Variants in DYNC1H1 observed in about 807,000 individuals in gnomAD.
The protein encoded by DYNC1H1 is dynein cytoplasmic 1 heavy chain 1.
DYNC1H1 carries 51 observed loss-of-function variants against 527.1 expected under a neutral mutation model. That is an observed-to-expected ratio of 0.10 (90% CI 0.08 to 0.12). The LOEUF (loss-of-function observed/expected upper bound fraction) is 0.12, where lower values mean the gene tolerates loss of function less well. Ranked by LOEUF, DYNC1H1 falls within the 10% of genes least tolerant of loss-of-function variation. The pLI is 1.00. For synonymous variants in DYNC1H1, 2,189 were observed against 2,278.8 expected (o/e 0.96, Z 1.12); for missense variants, 2,771 against 5,971.8 (o/e 0.46, Z 17.66).
At chr14:102,037,074 G>C (rs2048584522) in intron 57 of DYNC1H1, 6 of 228,490 alleles carry the variant, frequency 2.6e-5, no homozygotes, top group Non-Finnish European at 5.3e-5. Context: ...TCCAGCCTGG[G>C]AGACAGAAAG....
rs2047640369 is a variant in DYNC1H1, at chr14:101,964,614, G to T, written c.-78G>T. 1 of 1,533,754 alleles carries T rather than the reference G, an allele frequency of 6.5e-7. No homozygotes were observed. The highest frequency in any genetic ancestry group is 1.4e-5 in the African/African-American group (1 of 72,784). ...GCGGACGGTCCGGCTTCCGGCGGCC[G>T]TTTCTGTCTCTTGCTGGCTGTCTCG... On this transcript the variant is annotated 5_prime_UTR_variant, in exon 1 of 78. Transcript: ENST00000360184. This position sits in a 1 kb window ranked among gnomAD's most constrained non-coding sequence, Gnocchi z 5.5.
At chr14:101,996,888 G>A (rs536564295) in intron 15 of DYNC1H1, 147 bp from the exon 16 acceptor site, 624 of 1,186,506 alleles carry the variant, frequency 5.3e-4, no homozygotes, top group Non-Finnish European at 7.0e-4. Flanking sequence ...CTCCCAAAGT[G>A]CTGGGATTAC....
rs777747436 is a variant in DYNC1H1, at chr14:102,047,942, C to T, written c.13132C>T (p.Arg4378Trp). ...STSDGRPAWM[R>W]TLHTTASNWL... Reference sequence around the variant, plus strand: ...GTCCGACGGGCGCCCTGCCTGGATGCGGACACTGCACACCACCGCGTCCAA... The same window carrying T: ...GTCCGACGGGCGCCCTGCCTGGATGTGGACACTGCACACCACCGCGTCCAA... The change falls in exon 73 of 78, where the codon CGG becomes TGG. Residue 4378 changes from arginine to tryptophan, a missense_variant. Physicochemically the swap from Arg to Trp is moderately radical, Grantham distance 101. Around this residue, in one of 32 missense-constraint regions of DYNC1H1, gnomAD observed 170 missense variants for 249.8 expected, o/e 0.68. Coordinates refer to ENST00000360184, the MANE Select transcript of DYNC1H1 (RefSeq NM_001376.5). 3.7e-6 allele frequency: 6 copies of T among 1,613,064 alleles called. No homozygotes were observed. The highest frequency in any genetic ancestry group is 2.2e-5 in the East Asian group (1 of 44,872).
rs1320368303 is a variant in DYNC1H1 at position 101,985,186 on chromosome 14, A to G, written c.1462-501A>G. Among the ~76,000 whole-genome samples, 1 of 152,140 alleles carries G rather than the reference A, an allele frequency of 6.6e-6. No individual in the cohort carries two copies. Among genetic ancestry groups the G allele is most frequent in the East Asian group, 1.9e-4 (1 of 5,188 alleles). ...ATCGTTTACTAGCTCTGTGACTGGA[A>G]TGCTTTATTTAGTCTCTTTTTCAGA... On this transcript the variant is annotated intron_variant, in intron 7 of 77. Coordinates refer to ENST00000360184, the MANE Select transcript of DYNC1H1 (RefSeq NM_001376.5). The surrounding 1 kb of genome is among the most constrained non-coding windows in gnomAD (Gnocchi z 5.9).
At position 102,012,977 on chromosome 14, in the gene DYNC1H1, C is replaced by T. The variant is rs1397414007; in HGVS notation, c.7014+507C>T. The T allele has an allele frequency of 1.1e-5, 2 of 187,098 alleles. No homozygotes were observed. Among genetic ancestry groups the T allele is most frequent in the Non-Finnish European group, 2.3e-5 (2 of 88,186 alleles). 11.6% of individuals were successfully genotyped at this position (187,098 alleles called of 1,614,324 possible). On this transcript the variant is annotated intron_variant, in intron 34 of 77. Transcript: ENST00000360184. This position sits in a 1 kb window ranked among gnomAD's most constrained non-coding sequence, Gnocchi z 4.9. The stretch of plus-strand genomic sequence containing the variant: ...AGAAAGCAAGAAGACAGGCCGGGCG[C>T]GGTGGCTCACGCCTGTAATCCCAGC...
chr14:102,013,320 CAAAAT>C (rs1199940849), intron 34 of DYNC1H1, among the ~76,000 whole-genome samples: 1 of 133,406 alleles, frequency 7.5e-6, no homozygotes, highest in Non-Finnish European at 1.6e-5. Context: ...ATTGGACAAA[CAAAAT>C]GAATAGTGAT....
At chr14:101,970,485 T>G (rs1458848899) in intron 1 of DYNC1H1, among the ~76,000 whole-genome samples, 18 of 122,814 alleles carry the variant, frequency 1.5e-4, no homozygotes, top group Admixed American at 9.0e-4. Context: ...TTTTTTTTTT[T>G]TTTTTTTTTT....
intron 1 of DYNC1H1, among the ~76,000 whole-genome samples, chr14:101,973,766 T>C (rs1203961239): frequency 6.6e-6 from 1 of 152,204 alleles, no homozygotes; most frequent in African/African-American, 2.4e-5. Context: ...ATGAAGCCAC[T>C]GCGTTCCAGC....
chr14:101,997,212 C>T lies in DYNC1H1; in HGVS notation c.3742C>T (p.Arg1248Trp), dbSNP rs1217320477. The T allele has an allele frequency of 1.2e-6, 2 of 1,613,986 alleles. No individual in the cohort carries two copies. The highest frequency in any genetic ancestry group is 1.7e-5 in the Admixed American group (1 of 60,000). Residue 1248 changes from arginine to tryptophan, a missense_variant, in exon 16 of 78, where the codon CGG becomes TGG. Around this residue, in one of 32 missense-constraint regions of DYNC1H1, gnomAD observed 223 missense variants for 462.5 expected, o/e 0.48. Coordinates refer to ENST00000360184, the MANE Select transcript of DYNC1H1 (RefSeq NM_001376.5). The surrounding 1 kb of genome is among the most constrained non-coding windows in gnomAD (Gnocchi z 4.8). ...NLQMKIVQED[R>W]AVESRTTDLL... ...GCAAATGAAGATTGTCCAGGAGGAT[C>T]GGGCCGTGGAAAGCCGCACCACCGA...
Position 101,966,422 on chromosome 14 carries a change from AT to A in DYNC1H1, c.256+1478del, listed in dbSNP as rs530415230. On this transcript the variant is annotated intron_variant, in intron 1 of 77. Coordinates refer to ENST00000360184, the MANE Select transcript of DYNC1H1 (RefSeq NM_001376.5). Reference sequence around the variant, plus strand: ...AAGCCACAAAAGTTAAAAAAAAAAAATTTATCTACTCTTTTTTTTTTCCAAA... The same window carrying A: ...AAGCCACAAAAGTTAAAAAAAAAAAATTATCTACTCTTTTTTTTTTCCAAA... Among the ~76,000 whole-genome samples, 18 of 151,640 alleles carry A rather than the reference AT, an allele frequency of 1.2e-4. 2 individuals are homozygous for A. The highest frequency in any genetic ancestry group is 4.1e-4 in the African/African-American group (17 of 41,278).
rs1046079714 is a variant in DYNC1H1 at position 102,011,899 on chromosome 14, C to G, written c.6643C>G (p.Gln2215Glu). The G allele has an allele frequency of 6.2e-7, 1 of 1,614,012 alleles. No homozygotes were observed. The highest frequency in any genetic ancestry group is 8.5e-7 in the Non-Finnish European group (1 of 1,180,044). Reference protein sequence around the residue: ...EKVLQLYQITQINHGLMMVGP... With the variant: ...EKVLQLYQITEINHGLMMVGP... ...GGTTCTCCAGCTCTATCAGATCACCCAGATCAATCATGGCCTGATGATGGT... is the reference window on the plus strand; with the variant it reads ...GGTTCTCCAGCTCTATCAGATCACCGAGATCAATCATGGCCTGATGATGGT... Residue 2215 changes from glutamine (Q) to glutamate (E), a missense_variant, in exon 33 of 78, where the codon CAG becomes GAG. Gln to Glu is a conservative substitution (Grantham distance 29, BLOSUM62 2). Coordinates refer to ENST00000360184, the MANE Select transcript of DYNC1H1 (RefSeq NM_001376.5). This position sits in a 1 kb window ranked among gnomAD's most constrained non-coding sequence, Gnocchi z 5.3.
At position 101,986,899 on chromosome 14, in the gene DYNC1H1, G is replaced by A; in HGVS notation, c.2538+136G>A. 9.1e-7 allele frequency: 1 copy of A among 1,103,382 alleles called. No individual in the cohort carries two copies. The highest frequency in any genetic ancestry group is 1.4e-6 in the Non-Finnish European group (1 of 729,760). 68.3% of individuals were successfully genotyped at this position (1,103,382 alleles called of 1,614,324 possible). On this transcript the variant is annotated intron_variant, in intron 8 of 77. Coordinates refer to ENST00000360184, the MANE Select transcript of DYNC1H1 (RefSeq NM_001376.5). The surrounding 1 kb of genome is among the most constrained non-coding windows in gnomAD (Gnocchi z 8.7). ...ATACGGCCATGTGAGCTGCAAGGGA[G>A]GAGGACCCTTTGTACTCACCGGGCT...
rs1199619119 is a variant in DYNC1H1, at chr14:102,030,226, T to A, written c.9827T>A (p.Met3276Lys). Residue 3276 changes from methionine to lysine, a missense_variant, in exon 51 of 78, where the codon ATG (methionine) becomes AAG (lysine). Met to Lys is a moderately conservative substitution (Grantham distance 95). This residue lies in a region of DYNC1H1 where 30 missense variants were observed against 117.8 expected (regional missense o/e 0.25). Coordinates refer to ENST00000360184, the MANE Select transcript of DYNC1H1 (RefSeq NM_001376.5). The stretch of plus-strand genomic sequence containing the variant: ...CAGGAGGTAATTGCAGACAAACAGA[T>A]GAGTGTCAAAGAAGATCTTGATAAG... ...KQQEVIADKQ[M>K]SVKEDLDKVE... 1.2e-6 allele frequency: 2 copies of A among 1,614,104 alleles called. No individual in the cohort carries two copies. The highest frequency in any genetic ancestry group is 1.7e-6 in the Non-Finnish European group (2 of 1,180,020).
rs779194599 is a variant in DYNC1H1, at chr14:102,012,327, G to A, written c.6871G>A (p.Val2291Met). 1 of 1,614,224 alleles carries A rather than the reference G, an allele frequency of 6.2e-7. No individual in the cohort carries two copies. The highest frequency in any genetic ancestry group is 1.7e-5 in the Admixed American group (1 of 60,028). ...CTTCCCAACCAGGATCATCGACAGC[G>A]TGAGAGGCGAGCTGCAGAAGCGCCA... ...THVLRKIIDSVRGELQKRQWI... is the reference protein window; with the variant it reads ...THVLRKIIDSMRGELQKRQWI... Residue 2291 changes from valine (V) to methionine (M), a missense_variant, in exon 34 of 78, where the codon GTG becomes ATG. Val to Met is a conservative substitution (Grantham distance 21). Coordinates refer to ENST00000360184, the MANE Select transcript of DYNC1H1 (RefSeq NM_001376.5). The surrounding 1 kb of genome is among the most constrained non-coding windows in gnomAD (Gnocchi z 4.9).
Position 102,012,547 on chromosome 14 carries a change from C to T in DYNC1H1, c.7014+77C>T, listed in dbSNP as rs1595615408. 1.3e-5 allele frequency: 21 copies of T among 1,592,792 alleles called. No homozygotes were observed. The South Asian group carries it at 2.3e-4, about 18-fold the overall frequency. On this transcript the variant is annotated intron_variant, in intron 34 of 77. Coordinates refer to ENST00000360184, the MANE Select transcript of DYNC1H1 (RefSeq NM_001376.5). The surrounding 1 kb of genome is among the most constrained non-coding windows in gnomAD (Gnocchi z 4.9). ...AACTTCGTGTGCTAGCTAAGTGCAG[C>T]TCTGGAGTCATGGACCCAGATTCCA... is the stretch of plus-strand genomic sequence containing the variant.
In DYNC1H1 at chr14:102,005,982, G is replaced by A; in HGVS notation, c.5528G>A (p.Arg1843Gln). Residue 1843 changes from arginine (R) to glutamine (Q), a missense_variant, in exon 27 of 78, where the codon CGA (arginine) becomes CAA (glutamine). Physicochemically the swap from Arg to Gln is conservative, Grantham distance 43. Coordinates refer to ENST00000360184, the MANE Select transcript of DYNC1H1 (RefSeq NM_001376.5). This position sits in a 1 kb window ranked among gnomAD's most constrained non-coding sequence, Gnocchi z 4.0. Reference sequence around the variant, plus strand: ...TCTTTTGAATGGCTCAGCCAGATGCGATTTTACTTTGACCCTAAGCAAACT... The same window carrying A: ...TCTTTTGAATGGCTCAGCCAGATGCAATTTTACTTTGACCCTAAGCAAACT... Reference protein sequence around the residue: ...AKSFEWLSQMRFYFDPKQTDV... With the variant: ...AKSFEWLSQMQFYFDPKQTDV... 1 of 1,614,230 alleles carries A rather than the reference G, an allele frequency of 6.2e-7. No homozygotes were observed. Among genetic ancestry groups the A allele is most frequent in the African/African-American group, 1.3e-5 (1 of 75,066 alleles).
intron 29 of DYNC1H1, chr14:102,009,504 C>A: frequency 3.2e-6 from 1 of 317,030 alleles, no homozygotes. Flanking sequence ...GGCATTTATT[C>A]CTTTTTTTTT....
intron 34 of DYNC1H1, among the ~76,000 whole-genome samples, chr14:102,014,499 G>A (rs59821698): frequency 0.02 from 3,071 of 150,070 alleles, 98 homozygotes; most frequent in African/African-American, 0.072. Context: ...CATTGCATTC[G>A]AGCCTGGGCA....
chr14:101,998,904 C>T (rs867608328), intron 16 of DYNC1H1, among the ~76,000 whole-genome samples: 3 of 81,580 alleles, frequency 3.7e-5, no homozygotes, highest in Admixed American at 2.8e-4. Context: ...TTTTTTGAGA[C>T]GGAGTCTTGC....
Sources: allele counts gnomAD v4.1 joint callset (sites outside exome capture counted in the v4.1 genomes callset), GRCh38; gene constraint gnomAD v4.1.1; regional missense constraint gnomAD v4.1.1; non-coding constraint Gnocchi (gnomAD v3.1); transcripts MANE v1.5; gene names NCBI Gene and HGNC (gene_info 2026-07-23, HGNC 2026-07-21).